FBXL17: variants seen among roughly 807,000 people sequenced by gnomAD.
FBXL17 encodes the protein F-box/LRR-repeat protein 17.
Under a neutral mutation model 66.2 loss-of-function variants are expected in FBXL17, and 22 were observed. The observed-to-expected ratio is 0.33, with a 90% CI of 0.24 to 0.47. FBXL17 has a LOEUF of 0.47. FBXL17 is among the 20% of genes least tolerant of loss of function. The pLI is 1.00. For missense variants in FBXL17, 878 were observed against 948.2 expected, an observed-to-expected ratio of 0.93 and a Z score of 0.97; for synonymous variants, 474 against 400.5, an observed-to-expected ratio of 1.18 and a Z score of -2.19.
chr5:107,878,158 T>G, intron 8 of FBXL17: 1 of 788,950 alleles, frequency 1.3e-6, no homozygotes, highest in Non-Finnish European at 1.5e-6. Context: ...ACTGACATAT[T>G]TGTATAAAAA....
intron 6 of FBXL17, among the ~76,000 whole-genome samples, chr5:108,092,873 A>C (rs1288664990): frequency 6.6e-6 from 1 of 152,184 alleles, no homozygotes; most frequent in Non-Finnish European, 1.5e-5. Context: ...GTTTTGAGGA[A>C]AGAAAGGACA....
intron 6 of FBXL17, among the ~76,000 whole-genome samples, chr5:108,084,071 A>T (rs1474081412): frequency 2.6e-5 from 4 of 152,216 alleles, no homozygotes; most frequent in Non-Finnish European, 5.9e-5. Context: ...ATTCTTATAA[A>T]GTGGCTTTCT....
intron 7 of FBXL17, among the ~76,000 whole-genome samples, chr5:108,009,223 A>C: frequency 5.7e-5 from 1 of 17,430 alleles, no homozygotes; most frequent in Non-Finnish European, 1.4e-4. Flanking sequence ...ATATATATAT[A>C]TATATATATA....
In FBXL17 at chr5:108,046,792, A is replaced by C. The variant is rs570545205; in HGVS notation, c.1746-25791T>G. Among the ~76,000 whole-genome samples the C allele has an allele frequency of 8.5e-5, 13 of 152,306 alleles. No individual in the cohort carries two copies. The East Asian group carries it at 1.9e-3, about 23-fold the overall frequency. On this transcript the variant is annotated intron_variant, in intron 6 of 8. Transcript: ENST00000542267. ...TGGAACTACATCAGGCAGCATTATA[A>C]TTTTTGCTTCAACCATCAAATACAA...
intron 5 of FBXL17, among the ~76,000 whole-genome samples, chr5:108,212,097 T>G (rs1030104516): frequency 6.6e-5 from 10 of 152,156 alleles, no homozygotes; most frequent in Non-Finnish European, 1.2e-4. Flanking sequence ...ATGATATCCT[T>G]TCTTCCACTT....
At chr5:108,039,810 T>C (rs1746979605) in intron 6 of FBXL17, among the ~76,000 whole-genome samples, 1 of 152,116 alleles carries the variant, frequency 6.6e-6, no homozygotes, top group African/African-American at 2.4e-5. Context: ...TTTAATTTAA[T>C]ATAGTCCCCA....
intron 5 of FBXL17, among the ~76,000 whole-genome samples, chr5:108,192,784 G>C (rs1232876800): frequency 3.9e-5 from 6 of 152,012 alleles, no homozygotes; most frequent in Admixed American, 3.9e-4. Context: ...AGAGCGAGAT[G>C]AAAGCAAGAA....
intron 6 of FBXL17, among the ~76,000 whole-genome samples, chr5:108,155,993 A>G (rs1751982968): frequency 6.6e-6 from 1 of 152,182 alleles, no homozygotes; most frequent in Non-Finnish European, 1.5e-5. Context: ...GCTGGAAAAA[A>G]AGACACTAAA....
rs1305073925 is a variant in FBXL17, at chr5:108,062,334, ACAT to A, written c.1746-41336_1746-41334del. On this transcript the variant is annotated intron_variant, in intron 6 of 8. Coordinates refer to ENST00000542267, the MANE Select transcript of FBXL17 (RefSeq NM_001163315.3). ...ATTAAGTAAGCATATTAGCATATAG[ACAT>A]CATGCTTCTGTGGTCATGGATACGA... Among the ~76,000 whole-genome samples the A allele has an allele frequency of 3.3e-5, 5 of 152,306 alleles. No individual in the cohort carries two copies. In the East Asian group the frequency reaches 9.6e-4, roughly 29 times the overall value.
intron 4 of FBXL17, among the ~76,000 whole-genome samples, chr5:108,229,590 C>A (rs1755240296): frequency 6.6e-6 from 1 of 152,144 alleles, no homozygotes; most frequent in African/African-American, 2.4e-5. Flanking sequence ...GGACTTAAAT[C>A]TAAGACCTGA....
chr5:108,133,860 C>A (rs1751031381), intron 6 of FBXL17, among the ~76,000 whole-genome samples: 1 of 152,072 alleles, frequency 6.6e-6, no homozygotes, highest in Non-Finnish European at 1.5e-5. Flanking sequence ...TGAGTTGGCA[C>A]ACGTAAAACA....
intron 7 of FBXL17, among the ~76,000 whole-genome samples, chr5:107,941,587 G>A (rs1031648644): frequency 1.6e-4 from 24 of 152,138 alleles, no homozygotes; most frequent in African/African-American, 5.3e-4. Context: ...TAGTGCTTGG[G>A]AACGTTAAAT....
At chr5:108,305,574 C>T (rs1258828605) in intron 4 of FBXL17, among the ~76,000 whole-genome samples, 1 of 151,892 alleles carries the variant, frequency 6.6e-6, no homozygotes, top group Non-Finnish European at 1.5e-5. Context: ...CATCTCCAAC[C>T]TGTATGAGAG....
chr5:108,148,697 C>A (rs1245969164), intron 6 of FBXL17, among the ~76,000 whole-genome samples: 1 of 152,148 alleles, frequency 6.6e-6, no homozygotes, highest in Non-Finnish European at 1.5e-5. Flanking sequence ...GTGAGGAAGA[C>A]TCTGAAAAAT....
intron 6 of FBXL17, among the ~76,000 whole-genome samples, chr5:108,111,449 T>C (rs200476258): frequency 2.9e-5 from 4 of 137,254 alleles, no homozygotes; most frequent in East Asian, 2.3e-4. Context: ...CTAAAACACA[T>C]CATCATATTC....
At chr5:108,040,499 A>C (rs1290578159) in intron 6 of FBXL17, among the ~76,000 whole-genome samples, 3 of 152,174 alleles carry the variant, frequency 2.0e-5, no homozygotes, top group African/African-American at 7.2e-5. Context: ...CTATTTCTGC[A>C]CACACAAATA....
At chr5:108,239,690 G>T (rs1445295210) in intron 4 of FBXL17, among the ~76,000 whole-genome samples, 1 of 152,038 alleles carries the variant, frequency 6.6e-6, no homozygotes, top group Non-Finnish European at 1.5e-5. Flanking sequence ...CGAAACTGAA[G>T]GGCACATGAC....
At position 108,257,717 on chromosome 5, in the gene FBXL17, T is replaced by C. The variant is rs186703751; in HGVS notation, c.1507-33489A>G. On this transcript the variant is annotated intron_variant, in intron 4 of 8. Transcript: ENST00000542267. ...AACCAGGAATTCTCATGCCAAAATA[T>C]GTGCCCAGGTGGACTCAGTCACGAC... is the stretch of plus-strand genomic sequence containing the variant. Among the ~76,000 whole-genome samples the C allele has an allele frequency of 1.2e-4, 19 of 152,214 alleles. No individual in the cohort carries two copies. In the East Asian group the frequency reaches 3.3e-3, roughly 26 times the overall value.
intron 4 of FBXL17, among the ~76,000 whole-genome samples, chr5:108,295,709 T>C (rs534176679): frequency 3.3e-5 from 5 of 152,128 alleles, no homozygotes; most frequent in East Asian, 1.9e-4. Context: ...CAATTGCTAA[T>C]AGAGCTCAAA....
Sources: allele counts gnomAD v4.1 joint callset (sites outside exome capture counted in the v4.1 genomes callset), GRCh38; gene constraint gnomAD v4.1.1; transcripts MANE v1.5; gene names NCBI Gene and HGNC (gene_info 2026-07-23, HGNC 2026-07-21).